The following RNF169 variants were observed in gnomAD, a reference collection of about 807,000 sequenced individuals.
RNF169 encodes the protein E3 ubiquitin-protein ligase RNF169.
RNF169 carries 24 observed loss-of-function variants against 53.9 expected under a neutral mutation model. That is an observed-to-expected ratio of 0.45 (90% CI 0.32 to 0.63). RNF169 has a LOEUF of 0.63. Among genes scored for constraint, RNF169 ranks in the 20% least tolerant of loss-of-function variants. The probability of loss-of-function intolerance (pLI) is 0.04; values close to 1 mark genes in which losing one functional copy is unlikely to be tolerated. For missense variants in RNF169, 883 were observed against 906.2 expected (o/e 0.97, Z 0.33); for synonymous variants, 396 against 363.5 (o/e 1.09, Z -1.02).
chr11:74,838,433 A>T lies in RNF169; in HGVS notation c.*1703A>T, dbSNP rs2036289646. The stretch of plus-strand genomic sequence containing the variant: ...AAGGTGGCTTATCAAGTGGGTTTGT[A>T]GTAATGAGTGCTGCTGTAAAGCAGA... On this transcript the variant is annotated 3_prime_UTR_variant, in exon 6 of 6. Coordinates refer to ENST00000299563, the MANE Select transcript of RNF169 (RefSeq NM_001098638.2). The T allele has an allele frequency of 6.6e-6, 1 of 152,262 alleles. No homozygotes were observed. The highest frequency in any genetic ancestry group is 6.5e-5 in the Admixed American group (1 of 15,284). The allele number at this position is 152,262 out of a possible 1,614,324, so 9.4% of individuals were successfully genotyped here.
intron 1 of RNF169, among the ~76,000 whole-genome samples, chr11:74,779,631 T>A (rs1416718307): frequency 6.6e-6 from 1 of 152,116 alleles, no homozygotes; most frequent in Non-Finnish European, 1.5e-5. Flanking sequence ...TTATTTTATT[T>A]TTTGGGGGGG....
intron 1 of RNF169, among the ~76,000 whole-genome samples, chr11:74,752,963 T>TATTA (rs955014855): frequency 2.6e-5 from 4 of 152,192 alleles, no homozygotes; most frequent in Non-Finnish European, 5.9e-5. Flanking sequence ...TTATTTTATT[T>TATTA]ATTAATTAAT....
intron 1 of RNF169, among the ~76,000 whole-genome samples, chr11:74,753,059 C>G (rs980439861): frequency 6.6e-6 from 1 of 152,158 alleles, no homozygotes; most frequent in Admixed American, 6.5e-5. Flanking sequence ...ACCTCCGCCT[C>G]ACCGGTTCAA....
At chr11:74,785,232 T>TAG (rs1565176566) in intron 1 of RNF169, among the ~76,000 whole-genome samples, 5 of 81,540 alleles carry the variant, frequency 6.1e-5, no homozygotes, top group East Asian at 3.5e-4. Context: ...TTATATATAT[T>TAG]ATATATATGT....
intron 1 of RNF169, among the ~76,000 whole-genome samples, chr11:74,780,610 G>T (rs1252737628): frequency 6.6e-6 from 1 of 152,080 alleles, no homozygotes; most frequent in Non-Finnish European, 1.5e-5. Flanking sequence ...TTTAAAAAAT[G>T]GTTTTAATTT....
Position 74,785,197 on chromosome 11 carries a change from G to T in RNF169, c.503-4429G>T, listed in dbSNP as rs970328444. ...TGATATATATATATGATATATATATGATATATATATATGATATATATATGT... is the reference window on the plus strand; with the variant it reads ...TGATATATATATATGATATATATATTATATATATATATGATATATATATGT... On this transcript the variant is annotated intron_variant, in intron 1 of 5. Coordinates refer to ENST00000299563, the MANE Select transcript of RNF169 (RefSeq NM_001098638.2). 5.4e-5 allele frequency among the ~76,000 whole-genome samples: 6 copies of T among 111,074 alleles called. No homozygotes were observed. The East Asian group carries it at 9.9e-4, about 18-fold the overall frequency. The allele number at this position is 111,074 out of a possible 152,430, so 72.9% of individuals were successfully genotyped here.
At chr11:74,767,323 T>A (rs542118286) in intron 1 of RNF169, among the ~76,000 whole-genome samples, 1 of 152,270 alleles carries the variant, frequency 6.6e-6, no homozygotes, top group South Asian at 2.1e-4. Context: ...TTGCAATAGA[T>A]GGCTTAAAAA....
In RNF169 at chr11:74,832,931, T is replaced by G. The variant is rs144235342; in HGVS notation, c.843-1745T>G. ...AAAGTAAACTACCAATCAAGCTGAC[T>G]TTTACACAGCTGCTTTTATAGGGGG... On this transcript the variant is annotated intron_variant, in intron 4 of 5. Transcript: ENST00000299563. 6.7e-3 allele frequency among the ~76,000 whole-genome samples: 1,026 copies of G among 152,288 alleles called. 6 individuals are homozygous for G. The highest frequency in any genetic ancestry group is 0.01 in the Non-Finnish European group (700 of 68,016).
intron 1 of RNF169, among the ~76,000 whole-genome samples, chr11:74,781,054 C>G (rs933053131): frequency 6.6e-6 from 1 of 152,180 alleles, no homozygotes; most frequent in Non-Finnish European, 1.5e-5. Flanking sequence ...AGGCTAAGAA[C>G]CCTCACAGAA....
chr11:74,816,867 T>G (rs12288052), intron 3 of RNF169, among the ~76,000 whole-genome samples: 6,361 of 152,274 alleles, frequency 0.042, 137 homozygotes, highest in African/African-American at 0.059. Context: ...CATTTAGACC[T>G]TACCCTGAAG....
At chr11:74,775,681 C>T (rs1486144438) in intron 1 of RNF169, among the ~76,000 whole-genome samples, 1 of 152,172 alleles carries the variant, frequency 6.6e-6, no homozygotes, top group Non-Finnish European at 1.5e-5. Context: ...TTATACTCAT[C>T]CTTCAAGACC....
chr11:74,822,172 GAA>G (rs1404875569), intron 4 of RNF169, among the ~76,000 whole-genome samples: 2 of 152,078 alleles, frequency 1.3e-5, no homozygotes, highest in Non-Finnish European at 2.9e-5. Flanking sequence ...GTACCCTTAA[GAA>G]ACAAGTATGG....
intron 1 of RNF169, among the ~76,000 whole-genome samples, chr11:74,778,504 A>G (rs60798365): frequency 0.023 from 3,559 of 152,230 alleles, 154 homozygotes; most frequent in African/African-American, 0.081. Context: ...GCCAAACCCC[A>G]TCAGCTCCAG....
chr11:74,771,846 G>A (rs978205224), intron 1 of RNF169, among the ~76,000 whole-genome samples: 17 of 152,162 alleles, frequency 1.1e-4, no homozygotes, highest in East Asian at 3.9e-4. Flanking sequence ...TGAGGCCAGG[G>A]GTTCGAGACC....
chr11:74,829,952 T>C (rs77597975), intron 4 of RNF169, among the ~76,000 whole-genome samples: 1,688 of 152,222 alleles, frequency 0.011, 33 homozygotes, highest in African/African-American at 0.036. Flanking sequence ...CAAACCACCA[T>C]GACACAGGTT....
intron 1 of RNF169, among the ~76,000 whole-genome samples, chr11:74,779,787 T>C (rs976619388): frequency 6.6e-6 from 1 of 152,218 alleles, no homozygotes; most frequent in Non-Finnish European, 1.5e-5. Flanking sequence ...GTTTCTCCTT[T>C]CACTTACTTC....
intron 4 of RNF169, among the ~76,000 whole-genome samples, chr11:74,826,845 AG>A (rs1241543470): frequency 6.6e-6 from 1 of 152,232 alleles, no homozygotes; most frequent in Non-Finnish European, 1.5e-5. Context: ...GTGGGCTCCC[AG>A]GGCCTTGAGC....
intron 1 of RNF169, among the ~76,000 whole-genome samples, chr11:74,777,210 G>A (rs1020313534): frequency 2.6e-5 from 4 of 152,182 alleles, no homozygotes; most frequent in African/African-American, 9.7e-5. Flanking sequence ...ATAAATACTG[G>A]TAGGCACATA....
intron 2 of RNF169, among the ~76,000 whole-genome samples, chr11:74,808,890 G>A (rs559338451): frequency 6.6e-6 from 1 of 152,222 alleles, no homozygotes; most frequent in South Asian, 2.1e-4. Context: ...TTTCCTCCGT[G>A]TTCCTGTTTG....
Sources: gnomAD v4.1 joint callset for allele counts (sites outside exome capture counted in the v4.1 genomes callset) on GRCh38, gnomAD v4.1.1 for gene constraint, MANE v1.5 for transcripts, NCBI Gene and HGNC (gene_info 2026-07-23, HGNC 2026-07-21) for gene names.